ITPR2: variants seen among roughly 807,000 people sequenced by gnomAD.
The protein encoded by ITPR2 is inositol 1,4,5-trisphosphate-gated calcium channel ITPR2.
In ITPR2, 207 loss-of-function variants were observed where a neutral mutation model predicts 317.1. The observed-to-expected ratio is 0.65, with a 90% CI of 0.58 to 0.73. ITPR2 has a LOEUF of 0.73. ITPR2 is among the 30% of genes least tolerant of loss of function. The pLI, the probability that ITPR2 is intolerant of heterozygous loss-of-function variation, is 0.00. For missense variants in ITPR2, 2,613 were observed against 3,284.0 expected, an observed-to-expected ratio of 0.80 and a Z score of 4.99; for synonymous variants, 1,156 against 1,149.1, an observed-to-expected ratio of 1.01 and a Z score of -0.12.
intron 5 of ITPR2, chr12:26,721,281 C>T (rs757673148): frequency 5.1e-6 from 3 of 589,588 alleles, no homozygotes; most frequent in Non-Finnish European, 9.5e-6. Context: ...TCTACCAAAC[C>T]TTACCAAAGG....
At chr12:26,783,444 TA>T (rs898357937) in intron 2 of ITPR2, among the ~76,000 whole-genome samples, 4 of 152,212 alleles carry the variant, frequency 2.6e-5, no homozygotes, top group Non-Finnish European at 4.4e-5. Context: ...TTCCGTGTTT[TA>T]TCACCCTGAT....
chr12:26,746,063 C>G (rs959158141), intron 2 of ITPR2, among the ~76,000 whole-genome samples: 2 of 152,124 alleles, frequency 1.3e-5, no homozygotes, highest in Admixed American at 1.3e-4. Flanking sequence ...CCCTCAAATT[C>G]AAAGACTACA....
chr12:26,724,010 C>T (rs756279063), intron 4 of ITPR2, among the ~76,000 whole-genome samples: 7 of 152,300 alleles, frequency 4.6e-5, no homozygotes, highest in East Asian at 1.9e-4. Context: ...TGCCTTACCC[C>T]GATTTCAATT....
intron 37 of ITPR2, among the ~76,000 whole-genome samples, chr12:26,548,590 T>C (rs1367549207): frequency 6.6e-6 from 1 of 152,198 alleles, no homozygotes; most frequent in African/African-American, 2.4e-5. Flanking sequence ...ACATATGTGT[T>C]GGGTGACTGA....
At chr12:26,577,470 T>C (rs1171536266) in intron 34 of ITPR2, among the ~76,000 whole-genome samples, 2 of 152,262 alleles carry the variant, frequency 1.3e-5, no homozygotes, top group African/African-American at 4.8e-5. Context: ...TCCTTCAATA[T>C]AGTAAAATTT....
At chr12:26,620,154 GA>G (rs1387965572) in intron 26 of ITPR2, among the ~76,000 whole-genome samples, 1 of 152,182 alleles carries the variant, frequency 6.6e-6, no homozygotes, top group African/African-American at 2.4e-5. Context: ...TTCTGCCAAT[GA>G]GATAAACTCA....
chr12:26,813,817 A>G (rs1330995698), intron 1 of ITPR2, among the ~76,000 whole-genome samples: 2 of 152,236 alleles, frequency 1.3e-5, no homozygotes, highest in Non-Finnish European at 2.9e-5. Context: ...AGAATAGTAT[A>G]AATACCAAAA....
intron 37 of ITPR2, among the ~76,000 whole-genome samples, chr12:26,513,868 A>G (rs893682499): frequency 1.3e-5 from 2 of 152,156 alleles, no homozygotes; most frequent in African/African-American, 4.8e-5. Flanking sequence ...AACTGACTTC[A>G]GGCCACATGT....
chr12:26,767,347 CAAAT>C (rs1288519118), intron 2 of ITPR2, among the ~76,000 whole-genome samples: 1 of 152,168 alleles, frequency 6.6e-6, no homozygotes, highest in East Asian at 1.9e-4. Context: ...ACACAGGCAG[CAAAT>C]AAATAAAGTT....
Position 26,655,866 on chromosome 12 carries a change from A to G in ITPR2, c.2445-14T>C. Reference sequence around the variant, plus strand: ...ATAGAATCATATCTGGAAATAGAGAAAGAAGATAACGCAAGTTAAACTGAT... The same window carrying G: ...ATAGAATCATATCTGGAAATAGAGAGAGAAGATAACGCAAGTTAAACTGAT... On this transcript the variant is annotated splice_polypyrimidine_tract_variant and intron_variant, in intron 19 of 56. Transcript: ENST00000381340. 1 of 1,601,592 alleles carries G rather than the reference A, an allele frequency of 6.2e-7. No individual in the cohort carries two copies. Among genetic ancestry groups the G allele is most frequent in the Non-Finnish European group, 8.5e-7 (1 of 1,174,582 alleles).
At chr12:26,795,998 AAG>A (rs1491507807) in intron 1 of ITPR2, among the ~76,000 whole-genome samples, 180 of 130,952 alleles carry the variant, frequency 1.4e-3, no homozygotes, top group Non-Finnish European at 2.1e-3. Flanking sequence ...AACAAAAAAA[AAG>A]GGGGGGGGGG....
In ITPR2 at chr12:26,741,978, C is replaced by A. The variant is rs1281727855; in HGVS notation, c.164-16213G>T. Among the ~76,000 whole-genome samples the A allele has an allele frequency of 2.0e-5, 3 of 152,144 alleles. No homozygotes were observed. In the East Asian group the frequency reaches 5.8e-4, roughly 29 times the overall value. ...AGAAGTAGAAAGAAGATAAGTCAGT[C>A]CTAAATGTGGGCCCAGGCAGGGAAG... On this transcript the variant is annotated intron_variant, in intron 2 of 56. Coordinates refer to ENST00000381340, the MANE Select transcript of ITPR2 (RefSeq NM_002223.4).
chr12:26,661,332 TTGTG>T (rs1164909810), intron 15 of ITPR2, among the ~76,000 whole-genome samples: 7 of 147,956 alleles, frequency 4.7e-5, no homozygotes, highest in South Asian at 2.2e-4. Flanking sequence ...GTGTGTGTGT[TTGTG>T]TGTGTGTACG....
chr12:26,343,966 T>C (rs892120822), intron 55 of ITPR2, among the ~76,000 whole-genome samples: 1 of 152,190 alleles, frequency 6.6e-6, no homozygotes, highest in Non-Finnish European at 1.5e-5. Context: ...GTTGTAACAG[T>C]ATTAAGATGT....
chr12:26,486,189 A>T lies in ITPR2; in HGVS notation c.5726T>A (p.Val1909Glu), dbSNP rs1443949283. 6.2e-7 allele frequency: 1 copy of T among 1,614,172 alleles called. No individual in the cohort carries two copies. Among genetic ancestry groups the T allele is most frequent in the Non-Finnish European group, 8.5e-7 (1 of 1,180,008 alleles). ...GATGGCAATTGCGGGACTCATTGTT[A>T]CTTCCTCTGCGGATTTTTCCTCAGT... ...GNTEEKSAEE[V>E]TMSPAIAIMQ... The change falls in exon 41 of 57, where the codon GTA (valine) becomes GAA (glutamate). Residue 1909 changes from valine (V) to glutamate (E), a missense_variant. Coordinates refer to ENST00000381340, the MANE Select transcript of ITPR2 (RefSeq NM_002223.4).
intron 37 of ITPR2, among the ~76,000 whole-genome samples, chr12:26,547,267 AAGAC>A (rs1461815969): frequency 6.6e-6 from 1 of 152,216 alleles, no homozygotes; most frequent in African/African-American, 2.4e-5. Flanking sequence ...TTCTCAAAGG[AAGAC>A]AGAGAAATGG....
At chr12:26,597,344 G>T (rs761267990) in intron 30 of ITPR2, among the ~76,000 whole-genome samples, 8 of 152,186 alleles carry the variant, frequency 5.3e-5, no homozygotes, top group Non-Finnish European at 7.3e-5. Flanking sequence ...ACCAGTTGAG[G>T]CGATGTGGAA....
chr12:26,431,870 C>A (rs1331608463), intron 48 of ITPR2, among the ~76,000 whole-genome samples: 1 of 152,176 alleles, frequency 6.6e-6, no homozygotes, highest in Non-Finnish European at 1.5e-5. Context: ...TCTGTTCTCA[C>A]CACCACATTG....
intron 2 of ITPR2, among the ~76,000 whole-genome samples, chr12:26,766,297 GT>G (rs376672186): frequency 0.015 from 2,188 of 146,760 alleles, 55 homozygotes; most frequent in African/African-American, 0.052. Flanking sequence ...TTTATTATCT[GT>G]TTTTTTTTTG....
Sources: allele counts gnomAD v4.1 joint callset (sites outside exome capture counted in the v4.1 genomes callset), GRCh38; gene constraint gnomAD v4.1.1; transcripts MANE v1.5; gene names NCBI Gene and HGNC (gene_info 2026-07-23, HGNC 2026-07-21).